The following DNAJC13 variants were observed in gnomAD, a reference collection of about 807,000 sequenced individuals.
DNAJC13 encodes DnaJ heat shock protein family (Hsp40) member C13, also known as dnaJ homolog subfamily C member 13.
A neutral mutation model predicts 290.5 loss-of-function variants in DNAJC13; 75 were observed. The observed-to-expected ratio is 0.26, with a 90% CI of 0.21 to 0.31. DNAJC13 has a LOEUF of 0.31. Among genes scored for constraint, DNAJC13 ranks in the 10% least tolerant of loss-of-function variants. The pLI is 1.00. For synonymous variants in DNAJC13, 862 were observed against 892.0 expected (o/e 0.97, Z 0.60); for missense variants, 2,260 against 2,674.5 (o/e 0.85, Z 3.42).
intron 39 of DNAJC13, 39 bp downstream of exon 39, chr3:132,500,952 A>G (rs550529749): frequency 1.9e-6 from 3 of 1,605,770 alleles, no homozygotes; most frequent in South Asian, 2.2e-5. Flanking sequence ...TACAGACAGC[A>G]AAGTGTCTTT....
intron 45 of DNAJC13, among the ~76,000 whole-genome samples, chr3:132,513,543 C>T (rs1576512980): frequency 6.6e-6 from 1 of 152,126 alleles, no homozygotes; most frequent in South Asian, 2.1e-4. Context: ...AGTTGAAACT[C>T]CCTTCTTACA....
intron 13 of DNAJC13, 53 bp from the exon 14 acceptor site, chr3:132,460,197 T>C: frequency 1.6e-6 from 2 of 1,216,560 alleles, no homozygotes; most frequent in Non-Finnish European, 2.4e-6. Context: ...TGCGTGATGC[T>C]AGCACATGGG....
At position 132,523,704 on chromosome 3, in the gene DNAJC13, C is replaced by T; in HGVS notation, c.6051C>T (p.Asn2017=). 14 of 1,613,148 alleles carry T rather than the reference C, an allele frequency of 8.7e-6. No homozygotes were observed. The highest frequency in any genetic ancestry group is 1.1e-5 in the Non-Finnish European group (13 of 1,179,642). The part of the protein sequence containing the change: ...LEKLTELLEK[N]NPHGETLETL... ...AATTAACTGAGCTCCTAGAGAAGAACAATCCTCATGTAAGCTTCAGTCAAA... is the reference window on the plus strand; with the variant it reads ...AATTAACTGAGCTCCTAGAGAAGAATAATCCTCATGTAAGCTTCAGTCAAA... The change falls in exon 51 of 56, where the codon AAC becomes AAT. Residue 2017 remains asparagine, a synonymous_variant. Transcript: ENST00000260818.
intron 55 of DNAJC13, among the ~76,000 whole-genome samples, chr3:132,536,759 T>C (rs1374785540): frequency 2.0e-5 from 3 of 152,180 alleles, no homozygotes; most frequent in Non-Finnish European, 4.4e-5. Context: ...TTTGTTGACC[T>C]GGTGGCCTTT....
chr3:132,537,968 T>TCTAGTCTATAG (rs1189838354), intron 55 of DNAJC13, among the ~76,000 whole-genome samples: 1 of 152,252 alleles, frequency 6.6e-6, no homozygotes, highest in Non-Finnish European at 1.5e-5. Flanking sequence ...AGCATACATT[T>TCTAGTCTATAG]TGAAATGATT....
rs893693677 is a variant in DNAJC13 at position 132,514,420 on chromosome 3, A to G, written c.5386-151A>G. On this transcript the variant is annotated intron_variant, in intron 45 of 55. Coordinates refer to ENST00000260818, the MANE Select transcript of DNAJC13 (RefSeq NM_015268.4). ...AGGTATTATTTCCAAAGAGATTAAT[A>G]AAGGCAATCTTTTAAAATTAAACTC... The G allele has an allele frequency of 9.0e-5, 51 of 568,528 alleles. No homozygotes were observed. The African/African-American group carries it at 9.5e-4, about 11-fold the overall frequency. 35.2% of individuals were successfully genotyped at this position (568,528 alleles called of 1,614,324 possible).
At chr3:132,433,657 C>G (rs1040983030) in intron 1 of DNAJC13, among the ~76,000 whole-genome samples, 2 of 152,174 alleles carry the variant, frequency 1.3e-5, no homozygotes, top group African/African-American at 4.8e-5. Context: ...CACTTAGTAG[C>G]TCACCAAAAA....
At chr3:132,437,144 A>G (rs1350056075) in intron 2 of DNAJC13, among the ~76,000 whole-genome samples, 1 of 152,038 alleles carries the variant, frequency 6.6e-6, no homozygotes, top group East Asian at 1.9e-4. Context: ...CTCCCAAAGT[A>G]CAGGGATTGC....
chr3:132,466,205 C>G, intron 18 of DNAJC13, 94 bp from the exon 19 acceptor site: 1 of 1,432,460 alleles, frequency 7.0e-7, no homozygotes, highest in Non-Finnish European at 9.6e-7. Flanking sequence ...AAAGTTTTAC[C>G]CTCAATAGCT....
intron 41 of DNAJC13, among the ~76,000 whole-genome samples, chr3:132,503,985 A>AG (rs1935505891): frequency 6.6e-6 from 1 of 152,014 alleles, no homozygotes; most frequent in African/African-American, 2.4e-5. Flanking sequence ...ATTATAAAAA[A>AG]AAAAAGAGTA....
chr3:132,482,471 CCA>C, intron 27 of DNAJC13, 141 bp downstream of exon 27: 1 of 586,324 alleles, frequency 1.7e-6, no homozygotes. Flanking sequence ...AACTCAGTTT[CCA>C]CATGAAAAAT....
At chr3:132,496,197 C>T (rs1935229243) in intron 35 of DNAJC13, among the ~76,000 whole-genome samples, 1 of 152,094 alleles carries the variant, frequency 6.6e-6, no homozygotes, top group Admixed American at 6.6e-5. Context: ...GCATTTAGCA[C>T]AGTGCTTAAT....
At chr3:132,466,094 T>A (rs1559881252) in intron 18 of DNAJC13, 24 bp downstream of exon 18, 1 of 1,578,978 alleles carries the variant, frequency 6.3e-7, no homozygotes, top group East Asian at 2.2e-5. Flanking sequence ...GAAATTAGGT[T>A]ATATACTGCC....
intron 3 of DNAJC13, 103 bp from the exon 4 acceptor site, chr3:132,447,218 A>C: frequency 2.0e-6 from 2 of 1,007,128 alleles, no homozygotes; most frequent in Non-Finnish European, 2.7e-6. Context: ...ATTTTATAAA[A>C]TTTTGCTGAT....
chr3:132,437,047 T>C (rs1192669412), intron 2 of DNAJC13, among the ~76,000 whole-genome samples: 4 of 151,796 alleles, frequency 2.6e-5, no homozygotes, highest in Non-Finnish European at 4.4e-5. Flanking sequence ...CCTAGCTAAT[T>C]TTTGTATTTT....
intron 1 of DNAJC13, among the ~76,000 whole-genome samples, chr3:132,423,719 G>T (rs926775726): frequency 2.0e-5 from 3 of 152,118 alleles, no homozygotes; most frequent in Non-Finnish European, 4.4e-5. Flanking sequence ...TGAGTGAAGG[G>T]GAAATTGTAG....
chr3:132,520,479 T>C (rs1313738359), intron 48 of DNAJC13, among the ~76,000 whole-genome samples: 1 of 152,220 alleles, frequency 6.6e-6, no homozygotes, highest in African/African-American at 2.4e-5. Context: ...TTGAAATGCT[T>C]TAAACATCCT....
At position 132,447,911 on chromosome 3, in the gene DNAJC13, A is replaced by AT; in HGVS notation, c.313dup (p.Ser105PhefsTer14). On this transcript the variant is annotated frameshift_variant, in exon 5 of 56. Transcript: ENST00000260818. LOFTEE classifies it high-confidence loss of function. ...TTTCTCTTTCAGAGATTTAGAACTG[A>AT]TTTTTCAGAGGGAAAAATCACAGGA... The AT allele has an allele frequency of 6.3e-7, 1 of 1,596,778 alleles. No homozygotes were observed.
intron 5 of DNAJC13, among the ~76,000 whole-genome samples, chr3:132,448,834 A>G (rs997461651): frequency 2.6e-5 from 4 of 152,154 alleles, no homozygotes; most frequent in African/African-American, 9.7e-5. Flanking sequence ...TTTAATGGCA[A>G]CTGGCGAGCT....
Sources: gnomAD v4.1 joint callset for allele counts (sites outside exome capture counted in the v4.1 genomes callset) on GRCh38, gnomAD v4.1.1 for gene constraint, MANE v1.5 for transcripts, NCBI Gene and HGNC (gene_info 2026-07-23, HGNC 2026-07-21) for gene names.